ATP10A: variants seen among roughly 807,000 people sequenced by gnomAD.
The protein encoded by ATP10A is phospholipid-transporting ATPase VA.
A neutral mutation model predicts 147.8 loss-of-function variants in ATP10A; 111 were observed. The observed-to-expected ratio is 0.75, with a 90% CI of 0.64 to 0.88. The LOEUF is 0.88. ATP10A is among the 40% of genes least tolerant of loss of function. The pLI is 0.00. For missense variants in ATP10A, 1,927 were observed against 1,959.0 expected (o/e 0.98, Z 0.31); for synonymous variants, 875 against 841.6 (o/e 1.04, Z -0.69).
At chr15:25,804,348 T>C (rs1403607644) in intron 1 of ATP10A, among the ~76,000 whole-genome samples, 3 of 151,424 alleles carry the variant, frequency 2.0e-5, no homozygotes, top group Non-Finnish European at 4.4e-5. Flanking sequence ...GTGTTTATGA[T>C]GTGACGCTGT....
At chr15:25,805,167 C>T (rs1387552009) in intron 1 of ATP10A, among the ~76,000 whole-genome samples, 2 of 152,190 alleles carry the variant, frequency 1.3e-5, no homozygotes, top group African/African-American at 4.8e-5. Context: ...TGTAGAGAAG[C>T]TGCACCCAGT....
chr15:25,692,718 G>T (rs908679364), intron 14 of ATP10A, among the ~76,000 whole-genome samples: 1 of 152,186 alleles, frequency 6.6e-6, no homozygotes, highest in Non-Finnish European at 1.5e-5. Flanking sequence ...ATGAGATATG[G>T]TATGCAACGA....
intron 13 of ATP10A, among the ~76,000 whole-genome samples, chr15:25,698,604 G>A (rs1430206935): frequency 6.6e-6 from 1 of 152,124 alleles, no homozygotes; most frequent in Admixed American, 6.5e-5. Flanking sequence ...TTGACTACAT[G>A]GAGGGATTGG....
At chr15:25,769,320 AC>A (rs915575393) in intron 2 of ATP10A, among the ~76,000 whole-genome samples, 5 of 151,670 alleles carry the variant, frequency 3.3e-5, no homozygotes, top group African/African-American at 1.2e-4. Flanking sequence ...CCCTGTCTCT[AC>A]TAAAAATACA....
At chr15:25,748,811 T>G (rs1300441262) in intron 2 of ATP10A, among the ~76,000 whole-genome samples, 1 of 151,858 alleles carries the variant, frequency 6.6e-6, no homozygotes, top group African/African-American at 2.4e-5. Flanking sequence ...TCCCAGCACT[T>G]TGGGACGCCA....
intron 1 of ATP10A, among the ~76,000 whole-genome samples, chr15:25,823,699 T>A (rs968540820): frequency 6.6e-6 from 1 of 152,178 alleles, no homozygotes; most frequent in Non-Finnish European, 1.5e-5. Context: ...AAGCAAAAAA[T>A]TTTCATAGCA....
intron 2 of ATP10A, among the ~76,000 whole-genome samples, chr15:25,761,476 G>A (rs1888755311): frequency 6.6e-6 from 1 of 152,242 alleles, no homozygotes; most frequent in Non-Finnish European, 1.5e-5. Flanking sequence ...TGCACTAAGT[G>A]CCTGGAAAAG....
chr15:25,800,852 T>C (rs904840668), intron 1 of ATP10A, among the ~76,000 whole-genome samples: 3 of 152,130 alleles, frequency 2.0e-5, no homozygotes, highest in African/African-American at 7.2e-5. Flanking sequence ...TTTAACTTTA[T>C]TACCAATATT....
intron 3 of ATP10A, among the ~76,000 whole-genome samples, chr15:25,727,567 G>C (rs750509453): frequency 2.6e-5 from 4 of 152,158 alleles, no homozygotes; most frequent in Non-Finnish European, 4.4e-5. Context: ...CCACTAGGAA[G>C]GGCAAACTCC....
intron 1 of ATP10A, among the ~76,000 whole-genome samples, chr15:25,793,749 T>A (rs4420505): frequency 0.51 from 78,090 of 152,026 alleles, 20,489 homozygotes; most frequent in South Asian, 0.65. Flanking sequence ...CTTCCCCCAA[T>A]CCTCCCTCAG....
chr15:25,773,508 G>A lies in ATP10A; in HGVS notation c.654+7511C>T, dbSNP rs140617378. On this transcript the variant is annotated intron_variant, in intron 2 of 20. Transcript: ENST00000555815. ...AGTCCAATCAGCAGAAGTGGATTGC[G>A]TGGGCACCCCTCACGTAATGCATGG... is the stretch of plus-strand genomic sequence containing the variant. 9.7e-4 allele frequency among the ~76,000 whole-genome samples: 147 copies of A among 152,160 alleles called. 1 individual carries two copies. The East Asian group carries it at 0.026, about 27-fold the overall frequency.
chr15:25,757,698 G>A (rs1407583249), intron 2 of ATP10A, among the ~76,000 whole-genome samples: 1 of 152,192 alleles, frequency 6.6e-6, no homozygotes, highest in Non-Finnish European at 1.5e-5. Context: ...ATAACTTTGT[G>A]TGGTCAAAAT....
At position 25,781,145 on chromosome 15, in the gene ATP10A, G is replaced by A. The variant is rs140139603; in HGVS notation, c.528C>T (p.Ile176=). ...GDFVRLRCNE[I]FPADILLLSS... ...AGAGCAGCAGAATGTCCGCAGGGAA[G>A]ATTTCGTTGCAGCGAAGACGCACAA... Residue 176 remains isoleucine, a synonymous_variant, in exon 2 of 21, where the codon ATC becomes ATT. Coordinates refer to ENST00000555815, the MANE Select transcript of ATP10A (RefSeq NM_024490.4). 207 of 1,614,198 alleles carry A rather than the reference G, an allele frequency of 1.3e-4. 1 individual carries two copies. In the African/African-American group the frequency reaches 2.3e-3, roughly 18 times the overall value.
At chr15:25,862,439 C>A (rs999599257) in intron 1 of ATP10A, 5 of 666,370 alleles carry the variant, frequency 7.5e-6, no homozygotes, top group African/African-American at 3.6e-5. Context: ...GCATCCAGGG[C>A]GCCCCTTTAG....
chr15:25,736,244 CG>C (rs906290215), intron 2 of ATP10A, 103 bp from the exon 3 acceptor site: 2 of 870,876 alleles, frequency 2.3e-6, no homozygotes, highest in East Asian at 2.6e-5. Context: ...GCACATTTCA[CG>C]GGGGAAGAAC....
chr15:25,837,600 T>C (rs1892650073), intron 1 of ATP10A, among the ~76,000 whole-genome samples: 1 of 152,240 alleles, frequency 6.6e-6, no homozygotes, highest in Non-Finnish European at 1.5e-5. Flanking sequence ...TGACTGGTCC[T>C]GCTGACCTGA....
At position 25,713,938 on chromosome 15, in the gene ATP10A, C is replaced by T. The variant is rs1343971446; in HGVS notation, c.2080G>A (p.Glu694Lys). 1 of 1,611,626 alleles carries T rather than the reference C, an allele frequency of 6.2e-7. No homozygotes were observed. The highest frequency in any genetic ancestry group is 1.7e-5 in the Admixed American group (1 of 60,030). Residue 694 changes from glutamate to lysine, a missense_variant, in exon 10 of 21, where the codon GAG becomes AAG. Transcript: ENST00000555815. ...GCGGCCTCATCCGGGCTCTCCGCCT[C>T]GTACCGCAGCTCGCGCTCTGACTCC... The part of the protein sequence containing the change: ...EQESERELRY[E>K]AESPDEAALV...
intron 3 of ATP10A, among the ~76,000 whole-genome samples, chr15:25,728,913 G>C (rs765532120): frequency 1.4e-4 from 21 of 152,138 alleles, no homozygotes; most frequent in Non-Finnish European, 2.9e-4. Flanking sequence ...CAAAGGGGAG[G>C]CTGGAGAACG....
At chr15:25,718,546 C>T (rs780821311) in intron 7 of ATP10A, 147 bp from the exon 8 acceptor site, 7 of 770,322 alleles carry the variant, frequency 9.1e-6, no homozygotes, top group Admixed American at 2.4e-5. Context: ...TAGCAAGGCA[C>T]GGAGAACATC....
Sources: allele counts gnomAD v4.1 joint callset (sites outside exome capture counted in the v4.1 genomes callset), GRCh38; gene constraint gnomAD v4.1.1; transcripts MANE v1.5; gene names NCBI Gene and HGNC (gene_info 2026-07-23, HGNC 2026-07-21).